Variants in EPB41L4A observed in about 807,000 individuals in gnomAD.
EPB41L4A encodes the protein band 4.1-like protein 4A.
Under a neutral mutation model 108.6 loss-of-function variants are expected in EPB41L4A, and 100 were observed. The observed-to-expected ratio is 0.92, with a 90% CI of 0.78 to 1.09. EPB41L4A has a LOEUF of 1.09. Among genes scored for constraint, EPB41L4A ranks in the 50% least tolerant of loss-of-function variants. The pLI, the probability that EPB41L4A is intolerant of heterozygous loss-of-function variation, is 0.00. For missense variants in EPB41L4A, 1,030 were observed against 842.7 expected (o/e 1.22, Z -2.75); for synonymous variants, 319 against 289.0 (o/e 1.10, Z -1.05).
intron 17 of EPB41L4A, among the ~76,000 whole-genome samples, chr5:112,187,580 G>A (rs543306843): frequency 6.6e-6 from 1 of 152,126 alleles, no homozygotes; most frequent in Non-Finnish European, 1.5e-5. Context: ...ATAATCATTT[G>A]ATAACAATGA....
At position 112,336,049 on chromosome 5, in the gene EPB41L4A, G is replaced by A. The variant is rs144127604; in HGVS notation, c.100-28559C>T. On this transcript the variant is annotated intron_variant, in intron 1 of 22. Transcript: ENST00000261486. ...GATTCCCTACACCAGGCAAGGAAAG[G>A]CCTCCTGGAGGAAATGAGAACTAAC... Among the ~76,000 whole-genome samples the A allele has an allele frequency of 1.8e-4, 28 of 152,292 alleles. No individual in the cohort carries two copies. The East Asian group carries it at 4.8e-3, about 26-fold the overall frequency.
At chr5:112,159,656 C>T (rs1057336523), downstream of EPB41L4A, among the ~76,000 whole-genome samples, 3 of 152,184 alleles carry the variant, frequency 2.0e-5, no homozygotes, top group East Asian at 1.9e-4. Flanking sequence ...CTTGCATAAC[C>T]GCCTTCACAC....
chr5:112,306,378 C>T (rs1038613632), intron 2 of EPB41L4A, among the ~76,000 whole-genome samples: 2 of 152,046 alleles, frequency 1.3e-5, no homozygotes, highest in Non-Finnish European at 2.9e-5. Context: ...GCAAAGCTAT[C>T]CAACATACCC....
In EPB41L4A at chr5:112,240,693, CA is replaced by C. The variant is rs773473850; in HGVS notation, c.887+25del. ...ATGCCATTTTCATTTATTAAGACAA[CA>C]AACAAAATTTTTACATCAATTTACC... On this transcript the variant is annotated intron_variant, in intron 10 of 22. Coordinates refer to ENST00000261486, the MANE Select transcript of EPB41L4A (RefSeq NM_022140.5). The C allele has an allele frequency of 7.4e-6, 10 of 1,352,418 alleles. No homozygotes were observed. In the African/African-American group the frequency reaches 1.5e-4, roughly 20 times the overall value. 83.8% of individuals were successfully genotyped at this position (1,352,418 alleles called of 1,614,324 possible).
intron 18 of EPB41L4A, among the ~76,000 whole-genome samples, chr5:112,182,407 A>G (rs1761204552): frequency 6.6e-6 from 1 of 152,182 alleles, no homozygotes; most frequent in Non-Finnish European, 1.5e-5. Flanking sequence ...CTATTTCCCA[A>G]TTTTTATTTA....
At chr5:112,246,711 A>G (rs1358577409) in intron 9 of EPB41L4A, among the ~76,000 whole-genome samples, 2 of 152,030 alleles carry the variant, frequency 1.3e-5, no homozygotes, top group Non-Finnish European at 1.5e-5. Flanking sequence ...CCCTTACCCT[A>G]TTTTGTCTGT....
At chr5:112,272,199 A>G (rs1446005746) in intron 4 of EPB41L4A, among the ~76,000 whole-genome samples, 2 of 147,174 alleles carry the variant, frequency 1.4e-5, no homozygotes, top group Non-Finnish European at 3.0e-5. Context: ...CAGTGCCGCA[A>G]TCTTGGCTCA....
chr5:112,199,310 T>G (rs2150281126), intron 15 of EPB41L4A, among the ~76,000 whole-genome samples: 1 of 152,292 alleles, frequency 6.6e-6, no homozygotes, highest in East Asian at 1.9e-4. Context: ...CTAGGTAATA[T>G]AAGCCTGGAT....
In EPB41L4A at chr5:112,415,372, T is replaced by C. The variant is rs559811428; in HGVS notation, c.99+3569A>G. On this transcript the variant is annotated intron_variant, in intron 1 of 22. Coordinates refer to ENST00000261486, the MANE Select transcript of EPB41L4A (RefSeq NM_022140.5). ...TAATGGAATTTTCATCTTACTGCCA[T>C]ATTGGTTTCATTAGTTTAGTCAATA... 7.2e-5 allele frequency among the ~76,000 whole-genome samples: 11 copies of C among 152,274 alleles called. No individual in the cohort carries two copies. The South Asian group carries it at 2.1e-3, about 29-fold the overall frequency.
At chr5:112,356,165 G>A (rs909418281) in intron 1 of EPB41L4A, among the ~76,000 whole-genome samples, 56 of 152,060 alleles carry the variant, frequency 3.7e-4, no homozygotes, top group African/African-American at 1.3e-3. Flanking sequence ...GTGGGTAGAA[G>A]TCCCACAATG....
intron 1 of EPB41L4A, among the ~76,000 whole-genome samples, chr5:112,345,086 T>G (rs1561590491): frequency 6.6e-6 from 1 of 152,246 alleles, no homozygotes; most frequent in Non-Finnish European, 1.5e-5. Context: ...GACTTGGTAT[T>G]ACTCTTTTCA....
intron 1 of EPB41L4A, among the ~76,000 whole-genome samples, chr5:112,403,524 C>T (rs1033282303): frequency 2.6e-5 from 4 of 152,172 alleles, no homozygotes; most frequent in African/African-American, 7.2e-5. Flanking sequence ...GTCACCCAGC[C>T]TGGAGTGCAG....
At chr5:112,260,178 G>C (rs564650017) in intron 7 of EPB41L4A, among the ~76,000 whole-genome samples, 199 bp from the exon 8 acceptor site, 1 of 152,288 alleles carries the variant, frequency 6.6e-6, no homozygotes, top group African/African-American at 2.4e-5. Flanking sequence ...GAAACTTTCT[G>C]TTGGCGTTCT....
At chr5:112,198,876 A>C (rs1194519589) in intron 15 of EPB41L4A, among the ~76,000 whole-genome samples, 1 of 151,844 alleles carries the variant, frequency 6.6e-6, no homozygotes, top group Admixed American at 6.6e-5. Context: ...AGAAATTTTT[A>C]TTTCTTATAT....
chr5:112,325,442 T>TG (rs1363738125), intron 1 of EPB41L4A, among the ~76,000 whole-genome samples: 1 of 103,508 alleles, frequency 9.7e-6, no homozygotes, highest in African/African-American at 3.1e-5. Context: ...CTCCGTCTCA[T>TG]AAAAAAAAAA....
intron 9 of EPB41L4A, among the ~76,000 whole-genome samples, chr5:112,258,604 C>A (rs369996059): frequency 1.3e-5 from 2 of 152,200 alleles, no homozygotes; most frequent in African/African-American, 4.8e-5. Context: ...GAAGCTTTCA[C>A]ATCCTTGCCT....
At chr5:112,235,138 C>T (rs1232973502) in intron 11 of EPB41L4A, among the ~76,000 whole-genome samples, 1 of 152,202 alleles carries the variant, frequency 6.6e-6, no homozygotes, top group Admixed American at 6.5e-5. Context: ...GTTGTACTCA[C>T]ACAGCAGGTT....
At chr5:112,386,807 A>G (rs1048340999) in intron 1 of EPB41L4A, among the ~76,000 whole-genome samples, 1 of 152,232 alleles carries the variant, frequency 6.6e-6, no homozygotes, top group Admixed American at 6.5e-5. Context: ...ATAGATGGAA[A>G]GGCACAACGG....
At chr5:112,400,847 T>TTAA (rs1271609891) in intron 1 of EPB41L4A, among the ~76,000 whole-genome samples, 1 of 151,822 alleles carries the variant, frequency 6.6e-6, no homozygotes, top group Non-Finnish European at 1.5e-5. Context: ...CACCACTGGG[T>TTAA]GTTAGACATC....
Sources: gnomAD v4.1 joint callset for allele counts (sites outside exome capture counted in the v4.1 genomes callset) on GRCh38, gnomAD v4.1.1 for gene constraint, MANE v1.5 for transcripts, NCBI Gene and HGNC (gene_info 2026-07-23, HGNC 2026-07-21) for gene names.